Variants in BABAM2 observed in about 807,000 individuals in gnomAD.
BABAM2 encodes the protein BRISC and BRCA1 A complex member 2.
BABAM2 carries 31 observed loss-of-function variants against 54.7 expected under a neutral mutation model. That is an observed-to-expected ratio of 0.57 (90% CI 0.43 to 0.77). The LOEUF is 0.77. Ranked by LOEUF, BABAM2 falls within the 30% of genes least tolerant of loss-of-function variation. BABAM2 has a pLI of 0.00. For synonymous variants in BABAM2, 167 were observed against 162.9 expected (o/e 1.03, Z -0.19); for missense variants, 364 against 455.8 (o/e 0.80, Z 1.83).
chr2:28,294,118 T>C (rs1310190956), intron 10 of BABAM2, among the ~76,000 whole-genome samples: 1 of 151,972 alleles, frequency 6.6e-6, no homozygotes, highest in Non-Finnish European at 1.5e-5. Context: ...TGGTGGCTCA[T>C]GCCTGTAATC....
At chr2:27,944,971 T>G (rs1669190524) in intron 3 of BABAM2, among the ~76,000 whole-genome samples, 1 of 152,020 alleles carries the variant, frequency 6.6e-6, no homozygotes, top group Non-Finnish European at 1.5e-5. Context: ...CTTGCCAACA[T>G]TAGTATTGTT....
intron 3 of BABAM2, among the ~76,000 whole-genome samples, chr2:27,941,012 C>G (rs186172605): frequency 2.4e-4 from 36 of 152,260 alleles, no homozygotes; most frequent in African/African-American, 8.7e-4. Flanking sequence ...AATTCAAGGC[C>G]ACCAGAGAGG....
rs545762534 is a variant in BABAM2 at position 27,978,200 on chromosome 2, C to A, written c.206-9793C>A. ...GATAATGAAAGAGTTCTTGCTCTGA[C>A]TTCATGTGAGATCTGGTTGTTTAAA... On this transcript the variant is annotated intron_variant, in intron 3 of 11. Transcript: ENST00000379624. 3.1e-4 allele frequency among the ~76,000 whole-genome samples: 47 copies of A among 152,168 alleles called. 1 individual carries two copies. In the South Asian group the frequency reaches 9.1e-3, roughly 30 times the overall value.
At position 28,033,759 on chromosome 2, in the gene BABAM2, A is replaced by G. The variant is rs148120428; in HGVS notation, c.495+8339A>G. ...ATTTTGATTTGTTTTGATTTCCAGA[A>G]CTTAAAGTTGGCTTATCATACCTAA... On this transcript the variant is annotated intron_variant, in intron 5 of 11. Transcript: ENST00000379624. Among the ~76,000 whole-genome samples the G allele has an allele frequency of 6.9e-4, 104 of 151,652 alleles. 2 individuals carry two copies. In the East Asian group the frequency reaches 0.015, roughly 22 times the overall value.
At chr2:28,183,739 T>TCTCTCACACA (rs1553336494) in intron 7 of BABAM2, among the ~76,000 whole-genome samples, 20,989 of 132,960 alleles carry the variant, frequency 0.16, 1,706 homozygotes, top group South Asian at 0.31. Context: ...TGGATGAAGA[T>TCTCTCACACA]CACACACACA....
chr2:28,284,092 T>A (rs1199885452), intron 10 of BABAM2, among the ~76,000 whole-genome samples: 1 of 152,226 alleles, frequency 6.6e-6, no homozygotes, highest in Non-Finnish European at 1.5e-5. Context: ...ATGATCACCT[T>A]ATGTTTGCAC....
chr2:28,267,434 CACAT>C (rs1419392274), intron 10 of BABAM2, among the ~76,000 whole-genome samples: 49 of 144,382 alleles, frequency 3.4e-4, no homozygotes, highest in African/African-American at 1.3e-3. Flanking sequence ...GACACACACA[CACAT>C]ACACACACAC....
At position 28,298,362 on chromosome 2, in the gene BABAM2, G is replaced by A. The variant is rs748475641; in HGVS notation, c.959G>A (p.Arg320Gln). The A allele has an allele frequency of 6.8e-6, 11 of 1,612,778 alleles. No individual in the cohort carries two copies. Among genetic ancestry groups the A allele is most frequent in the Non-Finnish European group, 8.5e-6 (10 of 1,179,708 alleles). Residue 320 changes from arginine (R) to glutamine (Q), a missense_variant, in exon 11 of 12, where the codon CGA becomes CAA. Transcript: ENST00000379624. The part of the protein sequence containing the change: ...VHIDLPLFFP[R>Q]DQPTLTFQSV... ...GTTGACCTGCCTCTGTTTTTCCCTC[G>A]AGACCAGCCAACTCTCACATTTCAG...
At chr2:28,217,622 G>C (rs767708948) in intron 7 of BABAM2, among the ~76,000 whole-genome samples, 46 of 152,180 alleles carry the variant, frequency 3.0e-4, no homozygotes, top group Middle Eastern at 3.4e-3. Flanking sequence ...TCAGAGCAAG[G>C]GTGCTTAACC....
In BABAM2 at chr2:27,918,847, C is replaced by A. The variant is rs948436427; in HGVS notation, c.129-10985C>A. ...GGTACTACAGGCACATGCCACCATGCCCACTAACTTTTTGGTATTTTTTGT... is the reference window on the plus strand; with the variant it reads ...GGTACTACAGGCACATGCCACCATGACCACTAACTTTTTGGTATTTTTTGT... On this transcript the variant is annotated intron_variant, in intron 2 of 11. Coordinates refer to ENST00000379624, the MANE Select transcript of BABAM2 (RefSeq NM_199191.3). Among the ~76,000 whole-genome samples, 7 of 152,054 alleles carry A rather than the reference C, an allele frequency of 4.6e-5. No individual in the cohort carries two copies. In the South Asian group the frequency reaches 1.5e-3, roughly 32 times the overall value.
At chr2:28,121,482 T>C (rs1487772883) in intron 6 of BABAM2, among the ~76,000 whole-genome samples, 1 of 152,200 alleles carries the variant, frequency 6.6e-6, no homozygotes, top group Admixed American at 6.5e-5. Context: ...CATAACACAT[T>C]GTGATGTCTT....
chr2:27,930,315 A>G (rs542636984), intron 3 of BABAM2: 1 of 179,368 alleles, frequency 5.6e-6, no homozygotes, highest in South Asian at 1.1e-4. Context: ...ACGACTTGTC[A>G]CTGATTTATC....
chr2:28,061,604 GAGAAA>G (rs1387231427), intron 6 of BABAM2, among the ~76,000 whole-genome samples: 1 of 136,844 alleles, frequency 7.3e-6, no homozygotes, highest in African/African-American at 2.8e-5. Context: ...AAAAAAAAAA[GAGAAA>G]AGAAAAGAAA....
chr2:28,240,179 G>C (rs1682285588), intron 8 of BABAM2, among the ~76,000 whole-genome samples: 1 of 151,704 alleles, frequency 6.6e-6, no homozygotes, highest in South Asian at 2.1e-4. Context: ...GGGGTGCAGT[G>C]ATGCCTTCTA....
intron 7 of BABAM2, among the ~76,000 whole-genome samples, chr2:28,208,313 A>G (rs1297437163): frequency 6.6e-6 from 1 of 152,244 alleles, no homozygotes; most frequent in African/African-American, 2.4e-5. Flanking sequence ...GGATATTGCT[A>G]TAAAAGAAAA....
In BABAM2 at chr2:28,325,125, T is replaced by C. The variant is rs1366430079; in HGVS notation, c.1089-13325T>C. Among the ~76,000 whole-genome samples, 1 of 152,234 alleles carries C rather than the reference T, an allele frequency of 6.6e-6. No individual in the cohort carries two copies. The highest frequency in any genetic ancestry group is 1.5e-5 in the Non-Finnish European group (1 of 68,042). ...TATTTTAATGCTGCTCAGAACCCAC[T>C]AAATGGATTTTGTGATCCACTGTTT... On this transcript the variant is annotated intron_variant, in intron 11 of 11. Transcript: ENST00000379624. The surrounding 1 kb of genome is among the most constrained non-coding windows in gnomAD (Gnocchi z 4.3).
intron 11 of BABAM2, among the ~76,000 whole-genome samples, chr2:28,314,999 AAAAG>A (rs987045860): frequency 6.3e-5 from 7 of 110,432 alleles, no homozygotes; most frequent in Non-Finnish European, 9.6e-5. Flanking sequence ...GGAGGGAGGG[AAAAG>A]AAAGAAAGGA....
chr2:28,062,939 G>A (rs1679022100), intron 6 of BABAM2, among the ~76,000 whole-genome samples: 2 of 152,228 alleles, frequency 1.3e-5, no homozygotes, highest in Admixed American at 1.3e-4. Context: ...ACCCTGTAAG[G>A]TGGCACAGTG....
At chr2:27,899,332 T>TA (rs150528637) in intron 2 of BABAM2, among the ~76,000 whole-genome samples, 180 of 152,310 alleles carry the variant, frequency 1.2e-3, no homozygotes, top group African/African-American at 4.2e-3. Flanking sequence ...AGAAACCAGT[T>TA]ACGTTTTTCA....
Sources: allele counts gnomAD v4.1 joint callset (sites outside exome capture counted in the v4.1 genomes callset), GRCh38; gene constraint gnomAD v4.1.1; non-coding constraint Gnocchi (gnomAD v3.1); transcripts MANE v1.5; gene names NCBI Gene and HGNC (gene_info 2026-07-23, HGNC 2026-07-21).